The following ARSL variants were observed in gnomAD, a reference collection of about 807,000 sequenced individuals.
ARSL encodes arylsulfatase L, also known as arylsulfatase E (chondrodysplasia punctata 1).
In ARSL, 4 loss-of-function variants were observed where a neutral mutation model predicts 31.1. The ratio of observed to expected loss-of-function variants is 0.13; its 90% CI spans 0.06 to 0.29. The LOEUF is 0.29. Ranked by LOEUF, ARSL falls within the 10% of genes least tolerant of loss-of-function variation. The probability of loss-of-function intolerance (pLI) is 1.00; values close to 1 mark genes in which losing one functional copy is unlikely to be tolerated. For synonymous variants in ARSL, 198 were observed against 209.9 expected, an observed-to-expected ratio of 0.94 and a Z score of 0.49; for missense variants, 312 against 497.8, an observed-to-expected ratio of 0.63 and a Z score of 3.55.
chrX:2,949,177 C>T (rs188072687), intron 6 of ARSL, 127 bp downstream of exon 6: 3 of 884,619 alleles, frequency 3.4e-6, no homozygotes, highest in East Asian at 6.6e-5. Context: ...GCGATCCTCC[C>T]ACCTCAGCCT....
chrX:2,955,349 G>A (rs999538591), intron 4 of ARSL, 67 bp downstream of exon 4: 1 of 1,185,202 alleles, frequency 8.4e-7, no homozygotes, highest in East Asian at 3.0e-5. Context: ...AAACCAAAAT[G>A]TAAGAACTAG....
chrX:2,939,403 T>C (rs2089249880), intron 8 of ARSL, among the ~76,000 whole-genome samples: 1 of 112,073 alleles, frequency 8.9e-6, no homozygotes, highest in African/African-American at 3.2e-5. Flanking sequence ...TAAATTCCTG[T>C]TGTTTAAAGC....
intron 2 of ARSL, among the ~76,000 whole-genome samples, 182 bp downstream of exon 2, chrX:2,960,196 G>C (rs1278657351): frequency 1.3e-5 from 1 of 78,755 alleles, no homozygotes; most frequent in Non-Finnish European, 2.6e-5. Context: ...GTGAACCCGG[G>C]AGGCGGAGCT....
chrX:2,965,618 G>A (rs983975825), upstream of ARSL, among the ~76,000 whole-genome samples: 27 of 109,997 alleles, frequency 2.5e-4, no homozygotes, highest in African/African-American at 7.6e-4. Flanking sequence ...TAGAAAAGAC[G>A]GGCTGGGCAC....
chrX:2,956,436 G>A (rs986287176), intron 3 of ARSL, among the ~76,000 whole-genome samples: 3 of 111,247 alleles, frequency 2.7e-5, no homozygotes, highest in Non-Finnish European at 5.7e-5. Context: ...TACAGGCAAC[G>A]ACACTGATTT....
chrX:2,960,512 G>C, intron 1 of ARSL, 92 bp from the exon 2 acceptor site: 1 of 886,900 alleles, frequency 1.1e-6, no homozygotes, highest in Non-Finnish European at 1.6e-6. Flanking sequence ...GGGGAACTTT[G>C]ATTCCCGTTC....
At chrX:2,944,332 T>C (rs1051021872) in intron 7 of ARSL, among the ~76,000 whole-genome samples, 2 of 107,893 alleles carry the variant, frequency 1.9e-5, no homozygotes, top group African/African-American at 6.8e-5. Flanking sequence ...CGGGTGCCTG[T>C]AAACCCAGCT....
intron 8 of ARSL, among the ~76,000 whole-genome samples, chrX:2,940,025 G>A (rs763692648): frequency 7.6e-4 from 83 of 108,664 alleles, no homozygotes; most frequent in African/African-American, 2.0e-3. Flanking sequence ...GCACCACCAC[G>A]CCTGGCTAAT....
At chrX:2,939,864 CTTTTTTTTTTT>C (rs35373572) in intron 8 of ARSL, among the ~76,000 whole-genome samples, 1 of 55,413 alleles carries the variant, frequency 1.8e-5, no homozygotes, top group Non-Finnish European at 3.2e-5. Flanking sequence ...ACCCTTCTAC[CTTTTTTTTTTT>C]TTTTTTTTTT....
chrX:2,939,282 G>A (rs1186210452), intron 8 of ARSL, among the ~76,000 whole-genome samples: 1 of 111,613 alleles, frequency 9.0e-6, no homozygotes, highest in African/African-American at 3.3e-5. Flanking sequence ...GACACCTGGG[G>A]CCCCCAGGAG....
At position 2,949,470 on chromosome X, in the gene ARSL, A is replaced by C. The variant is rs1244509364; in HGVS notation, c.688T>G (p.Ser230Ala). 2 of 1,209,174 alleles carry C rather than the reference A, an allele frequency of 1.7e-6. No individual in the cohort carries two copies. Among genetic ancestry groups the C allele is most frequent in the African/African-American group, 1.8e-5 (1 of 56,938 alleles). Residue 230 changes from serine (S) to alanine (A), a missense_variant, in exon 6 of 11, where the codon TCA (serine) becomes GCA (alanine). Physicochemically the swap from Ser to Ala is moderately conservative, Grantham distance 99. Coordinates refer to ENST00000381134, the MANE Select transcript of ARSL (RefSeq NM_000047.3). ...IPVSWMPVIW[S>A]ALSAVLLLAS... is the part of the protein sequence containing the mutation. ...AGGAGGAGGACGGCCGAAAGGGCTG[A>C]CCAGATGACCGGCATCCACGAGACG...
intron 5 of ARSL, among the ~76,000 whole-genome samples, chrX:2,949,934 C>G (rs918232998): frequency 2.9e-4 from 33 of 112,110 alleles, no homozygotes; most frequent in African/African-American, 1.0e-3. Flanking sequence ...TCAGCTTTAA[C>G]CAAAATATTA....
At chrX:2,967,713 C>T (rs772674589), upstream of ARSL, among the ~76,000 whole-genome samples, 27 of 112,628 alleles carry the variant, frequency 2.4e-4, no homozygotes, top group Non-Finnish European at 1.9e-4. Context: ...GATTCTCTTC[C>T]GGGGAGAAGG....
At position 2,943,062 on chromosome X, in the gene ARSL, T is replaced by C. The variant is rs764480481; in HGVS notation, c.1126+3A>G. ...TGAAGATCTGGGAGCATCTCAGTCT[T>C]ACCTTTATAAATTCCATTCCAGCCA... On this transcript the variant is annotated splice_donor_region_variant and intron_variant, in intron 8 of 10. Transcript: ENST00000381134. 2 of 1,211,008 alleles carry C rather than the reference T, an allele frequency of 1.7e-6. No individual in the cohort carries two copies. The highest frequency in any genetic ancestry group is 2.2e-6 in the Non-Finnish European group (2 of 895,159).
chrX:2,940,145 G>A (rs6642074), intron 8 of ARSL, among the ~76,000 whole-genome samples: 2 of 110,023 alleles, frequency 1.8e-5, no homozygotes, highest in South Asian at 8.0e-4. Flanking sequence ...TGGGATTACA[G>A]GTGAGAGCCA....
rs781312567 is a variant in ARSL at position 2,960,651 on chromosome X, C to A, written c.-20-231G>T. Reference sequence around the variant, plus strand: ...ATGTAAAACGTGTTTCAATACACAGCCAGATGGTCTTCAGAGAAAGAGGAA... The same window carrying A: ...ATGTAAAACGTGTTTCAATACACAGACAGATGGTCTTCAGAGAAAGAGGAA... On this transcript the variant is annotated intron_variant, in intron 1 of 10. Coordinates refer to ENST00000381134, the MANE Select transcript of ARSL (RefSeq NM_000047.3). 3.6e-5 allele frequency among the ~76,000 whole-genome samples: 4 copies of A among 111,867 alleles called. No homozygotes were observed. The East Asian group carries it at 1.1e-3, about 32-fold the overall frequency.
intron 3 of ARSL, among the ~76,000 whole-genome samples, chrX:2,958,007 G>A (rs1265828749): frequency 1.8e-5 from 2 of 110,938 alleles, no homozygotes; most frequent in African/African-American, 6.6e-5. Context: ...GGACCACAGA[G>A]CAAGACTTTG....
intron 4 of ARSL, among the ~76,000 whole-genome samples, chrX:2,953,505 C>G (rs2089488253): frequency 8.9e-6 from 1 of 111,870 alleles, no homozygotes; most frequent in Non-Finnish European, 1.9e-5. Flanking sequence ...AGGTTATAAG[C>G]AATATAATTC....
intron 10 of ARSL, among the ~76,000 whole-genome samples, chrX:2,935,692 C>CTTTT (rs61012417): frequency 2.5e-5 from 1 of 40,363 alleles, no homozygotes; most frequent in Non-Finnish European, 7.1e-5. Context: ...CTTTTCTTTT[C>CTTTT]TTTTTTTTTT....
Sources: allele counts gnomAD v4.1 joint callset (sites outside exome capture counted in the v4.1 genomes callset), GRCh38; gene constraint gnomAD v4.1.1; transcripts MANE v1.5; gene names NCBI Gene and HGNC (gene_info 2026-07-23, HGNC 2026-07-21).